Variants in PRKCB observed in about 807,000 individuals in gnomAD.
PRKCB encodes the protein protein kinase C beta type.
Under a neutral mutation model 81.5 loss-of-function variants are expected in PRKCB, and 13 were observed. The observed-to-expected ratio is 0.16, with a 90% CI of 0.10 to 0.25. The LOEUF is 0.25. Ranked by LOEUF, PRKCB falls within the 10% of genes least tolerant of loss-of-function variation. The pLI is 1.00. For synonymous variants in PRKCB, 335 were observed against 321.4 expected, an observed-to-expected ratio of 1.04 and a Z score of -0.45; for missense variants, 509 against 875.7, an observed-to-expected ratio of 0.58 and a Z score of 5.29.
intron 2 of PRKCB, among the ~76,000 whole-genome samples, chr16:23,879,796 C>T (rs1476723559): frequency 6.6e-6 from 1 of 152,156 alleles, no homozygotes; most frequent in Non-Finnish European, 1.5e-5. Flanking sequence ...GCCCGGTGCC[C>T]TGGTCCTTTA....
chr16:24,214,166 T>C (rs187279111), intron 16 of PRKCB, among the ~76,000 whole-genome samples: 2 of 152,300 alleles, frequency 1.3e-5, no homozygotes, highest in East Asian at 3.9e-4. Context: ...CTGCTCCTGA[T>C]TGAGAGCTGG....
At chr16:24,188,678 C>A (rs1967743011) in intron 15 of PRKCB, among the ~76,000 whole-genome samples, 1 of 152,048 alleles carries the variant, frequency 6.6e-6, no homozygotes, top group Admixed American at 6.6e-5. Context: ...ATAGACAGGA[C>A]CTTAGGGTGA....
intron 2 of PRKCB, among the ~76,000 whole-genome samples, chr16:23,903,605 A>G (rs895639694): frequency 2.6e-5 from 4 of 152,178 alleles, no homozygotes; most frequent in African/African-American, 7.2e-5. Context: ...GCTTTTAACT[A>G]TGGGTTTTGG....
intron 2 of PRKCB, among the ~76,000 whole-genome samples, chr16:23,872,941 G>A (rs1210622289): frequency 6.6e-6 from 1 of 151,878 alleles, no homozygotes; most frequent in Non-Finnish European, 1.5e-5. Flanking sequence ...ACTTTGGGAG[G>A]TCGAGGCGGG....
At chr16:23,937,802 T>C (rs1964083209) in intron 2 of PRKCB, among the ~76,000 whole-genome samples, 1 of 152,226 alleles carries the variant, frequency 6.6e-6, no homozygotes, top group African/African-American at 2.4e-5. Flanking sequence ...CTAATTTTCC[T>C]ACATTCATTC....
intron 7 of PRKCB, among the ~76,000 whole-genome samples, chr16:24,107,294 G>C (rs578155172): frequency 2.3e-3 from 346 of 152,278 alleles, no homozygotes; most frequent in Non-Finnish European, 3.5e-3. Flanking sequence ...CTTTGATTCT[G>C]CATTGTTTCT....
rs1968262866 is a variant in PRKCB, at chr16:24,218,264, T to A, written c.*3448T>A. The A allele has an allele frequency of 1.0e-6, 1 of 985,220 alleles. No homozygotes were observed. Among genetic ancestry groups the A allele is most frequent in the Non-Finnish European group, 1.2e-6 (1 of 829,932 alleles). The allele number at this position is 985,220 out of a possible 1,614,324, so 61.0% of individuals were successfully genotyped here. Reference sequence around the variant, plus strand: ...TGACTTGTGGGGATTGGGAGAGAGATGCACAGACAATATTAAAGAGGAGGC... The same window carrying A: ...TGACTTGTGGGGATTGGGAGAGAGAAGCACAGACAATATTAAAGAGGAGGC... On this transcript the variant is annotated 3_prime_UTR_variant, in exon 17 of 17. Coordinates refer to ENST00000643927, the MANE Select transcript of PRKCB (RefSeq NM_002738.7).
intron 2 of PRKCB, among the ~76,000 whole-genome samples, chr16:23,976,181 G>A (rs989696948): frequency 2.6e-5 from 4 of 152,068 alleles, no homozygotes; most frequent in African/African-American, 7.2e-5. Flanking sequence ...GTGTGCACCT[G>A]TAGTAGCTAC....
At chr16:23,873,440 C>T (rs989285472) in intron 2 of PRKCB, among the ~76,000 whole-genome samples, 4 of 151,658 alleles carry the variant, frequency 2.6e-5, no homozygotes, top group Non-Finnish European at 4.4e-5. Context: ...GGCAGCTGTG[C>T]GATTTCAGCT....
rs372048404 is a variant in PRKCB at position 24,041,743 on chromosome 16, A to G, written c.529+6196A>G. On this transcript the variant is annotated intron_variant, in intron 5 of 16. Transcript: ENST00000643927. ...TGTGGTGGCTCACGTCGGTAATCCC[A>G]GCATTTTGGGAGGCTGAGGCGGCTG... 3.0e-4 allele frequency among the ~76,000 whole-genome samples: 45 copies of G among 152,244 alleles called. 1 individual carries two copies. Among genetic ancestry groups the G allele is most frequent in the East Asian group, 1.7e-3 (9 of 5,174 alleles).
At chr16:24,184,756 A>T (rs1040250795) in intron 13 of PRKCB, among the ~76,000 whole-genome samples, 9 of 152,240 alleles carry the variant, frequency 5.9e-5, no homozygotes, top group African/African-American at 2.2e-4. Flanking sequence ...TACTATTTTA[A>T]CCAGTTCTAA....
intron 5 of PRKCB, among the ~76,000 whole-genome samples, chr16:24,076,992 GCAGCTCTTCCCA>G (rs1051284995): frequency 6.6e-5 from 10 of 152,316 alleles, no homozygotes; most frequent in African/African-American, 2.4e-4. Flanking sequence ...CTCTCCTGAG[GCAGCTCTTCCCA>G]CAGTCCCAGC....
At position 24,218,669 on chromosome 16, in the gene PRKCB, G is replaced by T; in HGVS notation, c.*3853G>T. 2 of 985,442 alleles carry T rather than the reference G, an allele frequency of 2.0e-6. No individual in the cohort carries two copies. Among genetic ancestry groups the T allele is most frequent in the Non-Finnish European group, 2.4e-6 (2 of 829,948 alleles). 61.0% of individuals were successfully genotyped at this position (985,442 alleles called of 1,614,324 possible). On this transcript the variant is annotated 3_prime_UTR_variant, in exon 17 of 17. Coordinates refer to ENST00000643927, the MANE Select transcript of PRKCB (RefSeq NM_002738.7). ...AGCAATGAGAGATCCTTAACAGCTA[G>T]TGCCCATTAGGGGGCTAAACCTAAA...
chr16:23,902,784 C>CCTTCCTTCCTTCCTTCCTTCCTTCTT (rs1963501526), intron 2 of PRKCB, among the ~76,000 whole-genome samples: 1 of 15,258 alleles, frequency 6.6e-5, no homozygotes, highest in African/African-American at 2.5e-4. Context: ...CTTCCTTCCT[C>CCTTCCTTCCTTCCTTCCTTCCTTCTT]CCTCCCTCCC....
At chr16:23,859,300 A>G (rs774028973) in intron 2 of PRKCB, among the ~76,000 whole-genome samples, 6 of 152,228 alleles carry the variant, frequency 3.9e-5, no homozygotes, top group Non-Finnish European at 8.8e-5. Context: ...AGAAGGTGGC[A>G]TATCAAGTTG....
intron 2 of PRKCB, among the ~76,000 whole-genome samples, chr16:23,907,646 T>C (rs950143364): frequency 1.3e-5 from 2 of 152,192 alleles, no homozygotes; most frequent in Non-Finnish European, 2.9e-5. Context: ...TGGCTCCAGA[T>C]GTCTGGGAGG....
chr16:23,979,117 G>A (rs1964661104), intron 2 of PRKCB, among the ~76,000 whole-genome samples: 1 of 152,188 alleles, frequency 6.6e-6, no homozygotes, highest in Non-Finnish European at 1.5e-5. Flanking sequence ...ACTGTGCTAA[G>A]ATAACTCACT....
chr16:24,168,440 A>G (rs1967379938), intron 10 of PRKCB, among the ~76,000 whole-genome samples: 1 of 152,138 alleles, frequency 6.6e-6, no homozygotes, highest in Non-Finnish European at 1.5e-5. Context: ...ATATAAATAT[A>G]ACCAAAACAT....
chr16:24,183,023 A>T (rs968835749), intron 13 of PRKCB, among the ~76,000 whole-genome samples: 1 of 151,540 alleles, frequency 6.6e-6, no homozygotes. Flanking sequence ...CGCCCAGCTA[A>T]TTTTTTTTGT....
Sources: allele counts gnomAD v4.1 joint callset (sites outside exome capture counted in the v4.1 genomes callset), GRCh38; gene constraint gnomAD v4.1.1; transcripts MANE v1.5; gene names NCBI Gene and HGNC (gene_info 2026-07-23, HGNC 2026-07-21).